The following KCNQ2 variants were observed in gnomAD, a reference collection of about 807,000 sequenced individuals.
KCNQ2 encodes potassium voltage-gated channel subfamily Q member 2.
KCNQ2 carries 14 observed loss-of-function variants against 84.8 expected under a neutral mutation model. The observed-to-expected ratio is 0.17, with a 90% confidence interval of 0.11 to 0.26. KCNQ2 has a LOEUF of 0.26. Ranked by LOEUF, KCNQ2 falls within the 10% of genes least tolerant of loss-of-function variation. The pLI is 1.00. For missense variants in KCNQ2, 788 were observed against 1,254.0 expected, an observed-to-expected ratio of 0.63 and a Z score of 5.61; for synonymous variants, 599 against 554.1, an observed-to-expected ratio of 1.08 and a Z score of -1.14.
chr20:63,457,004 CA>C (rs1390573970), intron 1 of KCNQ2, among the ~76,000 whole-genome samples: 1 of 152,232 alleles, frequency 6.6e-6, no homozygotes, highest in Admixed American at 6.5e-5. Flanking sequence ...GTCCATTAGG[CA>C]GCCGCCACGC....
intron 10 of KCNQ2, among the ~76,000 whole-genome samples, chr20:63,427,722 T>A (rs1168179442): frequency 6.6e-6 from 1 of 152,216 alleles, no homozygotes; most frequent in Non-Finnish European, 1.5e-5. Context: ...GTTGTTGGAC[T>A]CAGGGCCCGC....
At chr20:63,433,485 C>G in intron 8 of KCNQ2, 1 of 549,648 alleles carries the variant, frequency 1.8e-6, no homozygotes, top group Non-Finnish European at 3.2e-6. Flanking sequence ...GAGCAGCTGT[C>G]GGTCCAGAGC....
chr20:63,406,936 G>T lies in KCNQ2; in HGVS notation c.2327C>A (p.Pro776His), dbSNP rs770358768. 4 of 1,598,010 alleles carry T rather than the reference G, an allele frequency of 2.5e-6. No homozygotes were observed. In the African/African-American group the frequency reaches 5.3e-5, roughly 21 times the overall value. Residue 776 changes from proline to histidine, a missense_variant, in exon 17 of 17, where the codon CCC becomes CAC. By Grantham distance (77) the Pro-to-His change is moderately conservative. Coordinates refer to ENST00000359125, the MANE Select transcript of KCNQ2 (RefSeq NM_172107.4). ...GCTGTCCCGCAGGTTCCCCTCGGGG[G>T]GCCTGCAGCCCGGGGTGTCCTCCTG... Reference protein sequence around the residue: ...LRQEDTPGCRPPEGNLRDSDT... With the variant: ...LRQEDTPGCRHPEGNLRDSDT...
At chr20:63,420,124 C>T (rs538037265) in intron 11 of KCNQ2, among the ~76,000 whole-genome samples, 15 of 152,320 alleles carry the variant, frequency 9.8e-5, no homozygotes, top group East Asian at 3.9e-4. Flanking sequence ...CAATCGGCGA[C>T]GTTTGGCCAT....
In KCNQ2 at chr20:63,400,516, A is replaced by C. The variant is rs891982304; in HGVS notation, c.*6128T>G. On this transcript the variant is annotated 3_prime_UTR_variant, in exon 17 of 17. Transcript: ENST00000359125. The surrounding 1 kb of genome is among the most constrained non-coding windows in gnomAD (Gnocchi z 8.7). ...GTGCGGGGTAACACATCCACCAAAAAAAGGCCTGGTCACTACGGCACAAGG... is the reference window on the plus strand; with the variant it reads ...GTGCGGGGTAACACATCCACCAAAACAAGGCCTGGTCACTACGGCACAAGG... 2.5e-6 allele frequency: 1 copy of C among 397,694 alleles called. No individual in the cohort carries two copies. The highest frequency in any genetic ancestry group is 2.1e-5 in the African/African-American group (1 of 48,626). 24.6% of individuals were successfully genotyped at this position (397,694 alleles called of 1,614,324 possible). A position where few individuals can be genotyped will look rare whatever the true frequency, so the allele number is the denominator to read the frequency against.
In KCNQ2 at chr20:63,404,844, C is replaced by G. The variant is rs1238430179; in HGVS notation, c.*1800G>C. ...CCTGGACAGTGGCTTCCGAGGCCTC[C>G]CAGTTGGCACCTTTTTGGGACAGGC... On this transcript the variant is annotated 3_prime_UTR_variant, in exon 17 of 17. Transcript: ENST00000359125. 6.6e-6 allele frequency: 1 copy of G among 152,326 alleles called. No homozygotes were observed. The highest frequency in any genetic ancestry group is 1.5e-5 in the Non-Finnish European group (1 of 68,096). The allele number at this position is 152,326 out of a possible 1,614,324, so 9.4% of individuals were successfully genotyped here.
intron 1 of KCNQ2, among the ~76,000 whole-genome samples, chr20:63,455,828 T>C (rs1334286913): frequency 4.3e-4 from 47 of 108,836 alleles, no homozygotes; most frequent in South Asian, 6.5e-4. Flanking sequence ...GCCCCTCTGC[T>C]CACGGGCCCC....
Position 63,407,069 on chromosome 20 carries a change from G to T in KCNQ2, c.2194C>A (p.Pro732Thr), listed in dbSNP as rs749597397. The change falls in exon 17 of 17, where the codon CCC (proline) becomes ACC (threonine). Residue 732 changes from proline (P) to threonine (T), a missense_variant. By Grantham distance (38) the Pro-to-Thr change is conservative (BLOSUM62 -1). Around this residue, in one of 8 missense-constraint regions of KCNQ2, gnomAD observed 378 missense variants for 434.5 expected, o/e 0.87. Coordinates refer to ENST00000359125, the MANE Select transcript of KCNQ2 (RefSeq NM_172107.4). This position sits in a 1 kb window ranked among gnomAD's most constrained non-coding sequence, Gnocchi z 7.2. ...ACCAGGGAGCCGTGGTCCCCCACGG[G>T]GGAGGTGCCGTGGCCCTGGCGCGGG... ...SHPRQGHGTS[P>T]VGDHGSLVRI... 2 of 1,526,428 alleles carry T rather than the reference G, an allele frequency of 1.3e-6. No homozygotes were observed. The highest frequency in any genetic ancestry group is 1.2e-5 in the South Asian group (1 of 83,130). 94.6% of individuals were successfully genotyped at this position (1,526,428 alleles called of 1,614,324 possible).
chr20:63,428,543 C>G, intron 9 of KCNQ2, 108 bp from the exon 10 acceptor site: 1 of 962,686 alleles, frequency 1.0e-6, no homozygotes, highest in Non-Finnish European at 1.6e-6. Flanking sequence ...TGTCAGACAC[C>G]CGGCGGCATG....
chr20:63,415,086 G>T lies in KCNQ2; in HGVS notation c.1342C>A (p.Arg448=), dbSNP rs118192226. 2.5e-6 allele frequency: 4 copies of T among 1,604,264 alleles called. No homozygotes were observed. Among genetic ancestry groups the T allele is most frequent in the Non-Finnish European group, 3.4e-6 (4 of 1,179,896 alleles). ...CCCTTCCCCTTGGCAGCCACGCCTC[G>T]GGGGCTGGAGAAGACACGATCTTTC... ...SLKDRVFSSP[R]GVAAKGKGSP... Residue 448 remains arginine (R), a synonymous_variant, in exon 13 of 17, where the codon CGA becomes AGA. Coordinates refer to ENST00000359125, the MANE Select transcript of KCNQ2 (RefSeq NM_172107.4).
Position 63,404,885 on chromosome 20 carries a change from G to A in KCNQ2, c.*1759C>T, listed in dbSNP as rs1308086124. The A allele has an allele frequency of 2.0e-5, 3 of 152,328 alleles. No individual in the cohort carries two copies. The highest frequency in any genetic ancestry group is 4.4e-5 in the Non-Finnish European group (3 of 68,130). 9.4% of individuals were successfully genotyped at this position (152,328 alleles called of 1,614,324 possible). A position where few individuals can be genotyped will look rare whatever the true frequency, so the allele number is the denominator to read the frequency against. ...TGGGACAGGCTCCAGCACAGGGAGG[G>A]GTGAGGAGACAGCCCAGCGGAGGCA... On this transcript the variant is annotated 3_prime_UTR_variant, in exon 17 of 17. Transcript: ENST00000359125.
chr20:63,442,692 T>TCACCACCACCAC (rs1422312060), intron 4 of KCNQ2, among the ~76,000 whole-genome samples, 161 bp from the exon 5 acceptor site: 8 of 50,122 alleles, frequency 1.6e-4, no homozygotes, highest in South Asian at 1.6e-3. Context: ...ACCATCACCA[T>TCACCACCACCAC]CACCACCATC....
intron 7 of KCNQ2, among the ~76,000 whole-genome samples, chr20:63,436,589 TGGC>T (rs1290038220): frequency 6.6e-6 from 1 of 151,514 alleles, no homozygotes; most frequent in African/African-American, 2.4e-5. Context: ...TCATCAGCAG[TGGC>T]CACCAGCATC....
chr20:63,416,366 C>T (rs980829012), intron 12 of KCNQ2, among the ~76,000 whole-genome samples: 1 of 152,090 alleles, frequency 6.6e-6, no homozygotes, highest in African/African-American at 2.4e-5. Flanking sequence ...GTCCGCCGGG[C>T]GACAGTGAGG....
chr20:63,455,428 C>T (rs1392558014), intron 1 of KCNQ2, among the ~76,000 whole-genome samples: 1 of 152,110 alleles, frequency 6.6e-6, no homozygotes, highest in Non-Finnish European at 1.5e-5. Context: ...GCTCACCGCA[C>T]GTCCCTGACG....
chr20:63,408,542 G>A lies in KCNQ2; in HGVS notation c.1764-6C>T, dbSNP rs118192239. On this transcript the variant is annotated splice_polypyrimidine_tract_variant and splice_region_variant and intron_variant, in intron 15 of 16. Transcript: ENST00000359125. This position sits in a 1 kb window ranked among gnomAD's most constrained non-coding sequence, Gnocchi z 5.0. Reference sequence around the variant, plus strand: ...GCCCCACGATCTGGTCCACTCTACCGGGAACAGAGACCCCAAAGCATGAGT... The same window carrying A: ...GCCCCACGATCTGGTCCACTCTACCAGGAACAGAGACCCCAAAGCATGAGT... The A allele has an allele frequency of 8.5e-5, 137 of 1,610,556 alleles. No individual in the cohort carries two copies. Among genetic ancestry groups the A allele is most frequent in the South Asian group, 4.5e-4 (41 of 90,714 alleles).
At position 63,414,962 on chromosome 20, in the gene KCNQ2, C is replaced by T. The variant is rs988208315; in HGVS notation, c.1466G>A (p.Arg489His). 3.1e-6 allele frequency: 5 copies of T among 1,612,246 alleles called. No individual in the cohort carries two copies. The highest frequency in any genetic ancestry group is 2.2e-5 in the South Asian group (2 of 91,062). ...KVPKSWSFGD[R>H]SRARQAFRIK... ...GCGGAAAGCCTGGCGTGCCCGGCTGCGGTCCCCGAAGCTCCAGCTCTTGGG... is the reference window on the plus strand; with the variant it reads ...GCGGAAAGCCTGGCGTGCCCGGCTGTGGTCCCCGAAGCTCCAGCTCTTGGG... Residue 489 changes from arginine (R) to histidine (H), a missense_variant, in exon 13 of 17, where the codon CGC becomes CAC. Transcript: ENST00000359125. This position sits in a 1 kb window ranked among gnomAD's most constrained non-coding sequence, Gnocchi z 6.6.
chr20:63,438,546 G>T lies in KCNQ2; in HGVS notation c.1023+79C>A. The T allele has an allele frequency of 8.2e-7, 1 of 1,213,090 alleles. No homozygotes were observed. Among genetic ancestry groups the T allele is most frequent in the Non-Finnish European group, 1.2e-6 (1 of 819,994 alleles). 75.1% of individuals were successfully genotyped at this position (1,213,090 alleles called of 1,614,324 possible). On this transcript the variant is annotated intron_variant, in intron 7 of 16. Coordinates refer to ENST00000359125, the MANE Select transcript of KCNQ2 (RefSeq NM_172107.4). The surrounding 1 kb of genome is among the most constrained non-coding windows in gnomAD (Gnocchi z 5.1). The stretch of plus-strand genomic sequence containing the variant: ...CATCCACAGACAGGGCAATGCCAAA[G>T]CCCCAGCGGCCTCCACTCCTCAACA...
chr20:63,416,657 G>A (rs1020552070), intron 12 of KCNQ2, among the ~76,000 whole-genome samples: 4 of 152,130 alleles, frequency 2.6e-5, no homozygotes, highest in South Asian at 2.1e-4. Context: ...AGTGCCTCAC[G>A]GGCTCCCTGA....
Sources: allele counts gnomAD v4.1 joint callset (sites outside exome capture counted in the v4.1 genomes callset), GRCh38; gene constraint gnomAD v4.1.1; regional missense constraint gnomAD v4.1.1; non-coding constraint Gnocchi (gnomAD v3.1); transcripts MANE v1.5; gene names NCBI Gene and HGNC (gene_info 2026-07-23, HGNC 2026-07-21).